The following SORBS2 variants were observed in gnomAD, a reference collection of about 807,000 sequenced individuals.
SORBS2 encodes the protein sorbin and SH3 domain containing 2.
SORBS2 carries 46 observed loss-of-function variants against 97.7 expected under a neutral mutation model. The ratio of observed to expected loss-of-function variants is 0.47; its 90% CI spans 0.37 to 0.60. SORBS2 has a LOEUF of 0.60. Among genes scored for constraint, SORBS2 ranks in the 20% least tolerant of loss-of-function variants. The pLI, the probability that SORBS2 is intolerant of heterozygous loss-of-function variation, is 0.00. For missense variants in SORBS2, 1,316 were observed against 1,282.3 expected (o/e 1.03, Z -0.40); for synonymous variants, 476 against 473.4 (o/e 1.01, Z -0.07).
intron 2 of SORBS2, among the ~76,000 whole-genome samples, chr4:185,700,062 A>T (rs1165009862): frequency 1.3e-5 from 2 of 152,230 alleles, no homozygotes; most frequent in Non-Finnish European, 2.9e-5. Flanking sequence ...ACGAGAGGGG[A>T]ATAGGTAATA....
chr4:185,883,708 C>T (rs554830902), intron 1 of SORBS2, among the ~76,000 whole-genome samples: 18 of 152,128 alleles, frequency 1.2e-4, no homozygotes, highest in East Asian at 7.7e-4. Flanking sequence ...TTAAATTATC[C>T]GGGTGTGGTG....
Position 185,686,248 on chromosome 4 carries a change from T to C in SORBS2, c.-197-7426A>G, listed in dbSNP as rs540622309. 2.0e-5 allele frequency among the ~76,000 whole-genome samples: 3 copies of C among 152,290 alleles called. No individual in the cohort carries two copies. The East Asian group carries it at 5.8e-4, about 29-fold the overall frequency. On this transcript the variant is annotated intron_variant, in intron 2 of 20. Transcript: ENST00000284776. Reference sequence around the variant, plus strand: ...TTTGTTTATTGGACATGACAGAATTTAGATTGGTAAAGATGCTCGGAAGTA... The same window carrying C: ...TTTGTTTATTGGACATGACAGAATTCAGATTGGTAAAGATGCTCGGAAGTA...
At chr4:185,636,461 T>C (rs1436087975) in intron 4 of SORBS2, among the ~76,000 whole-genome samples, 5 of 152,202 alleles carry the variant, frequency 3.3e-5, no homozygotes, top group African/African-American at 9.7e-5. Context: ...TATGCAAGTA[T>C]ATAAATCAGC....
At chr4:185,732,994 A>G (rs1466006388) in intron 2 of SORBS2, among the ~76,000 whole-genome samples, 1 of 152,170 alleles carries the variant, frequency 6.6e-6, no homozygotes, top group Non-Finnish European at 1.5e-5. Flanking sequence ...CAGAAGTGGG[A>G]AGAAGTGAGG....
At chr4:185,695,695 A>C (rs1271023412) in intron 2 of SORBS2, among the ~76,000 whole-genome samples, 1 of 152,220 alleles carries the variant, frequency 6.6e-6, no homozygotes, top group Non-Finnish European at 1.5e-5. Context: ...GACTGTGGTA[A>C]AATAAGAAGT....
chr4:185,884,037 G>A (rs1295049737), intron 1 of SORBS2, among the ~76,000 whole-genome samples: 1 of 152,148 alleles, frequency 6.6e-6, no homozygotes, highest in East Asian at 1.9e-4. Flanking sequence ...AGGAGGTGGG[G>A]GAGGAAGAAG....
intron 1 of SORBS2, among the ~76,000 whole-genome samples, chr4:185,897,763 G>T (rs908347093): frequency 1.3e-5 from 2 of 152,190 alleles, no homozygotes; most frequent in African/African-American, 4.8e-5. Flanking sequence ...TAGGCTGGGT[G>T]CAGTGGCTCA....
intron 1 of SORBS2, among the ~76,000 whole-genome samples, chr4:185,931,988 C>G (rs1235417339): frequency 1.3e-5 from 2 of 151,700 alleles, no homozygotes; most frequent in African/African-American, 4.8e-5. Context: ...GTCTCTCTCT[C>G]TCTCTCTCTC....
chr4:185,750,665 A>G (rs546993924), intron 2 of SORBS2, among the ~76,000 whole-genome samples: 3 of 152,342 alleles, frequency 2.0e-5, no homozygotes, highest in Non-Finnish European at 4.4e-5. Flanking sequence ...ATTCTAAAAT[A>G]ACAAACAAAC....
Position 185,665,885 on chromosome 4 carries a change from G to A in SORBS2, c.-45-3643C>T, listed in dbSNP as rs1460811999. 11 of 1,187,156 alleles carry A rather than the reference G, an allele frequency of 9.3e-6. No homozygotes were observed. In the East Asian group the frequency reaches 5.3e-4, roughly 57 times the overall value. The allele number at this position is 1,187,156 out of a possible 1,614,324, so 73.5% of individuals were successfully genotyped here. A position where few individuals can be genotyped will look rare whatever the true frequency, so the allele number is the denominator to read the frequency against. On this transcript the variant is annotated intron_variant, in intron 4 of 20. Transcript: ENST00000284776. ...GCTGTGGAGGACTCACTCTCCGAGCGGGAGGAGTGCTCGGCCAGGGAGGAG... is the reference window on the plus strand; with the variant it reads ...GCTGTGGAGGACTCACTCTCCGAGCAGGAGGAGTGCTCGGCCAGGGAGGAG...
intron 1 of SORBS2, among the ~76,000 whole-genome samples, chr4:185,783,694 G>C (rs1409649796): frequency 3.3e-5 from 5 of 152,170 alleles, no homozygotes; most frequent in African/African-American, 1.2e-4. Context: ...AGGCATGAGA[G>C]GGAATATCCT....
intron 7 of SORBS2, among the ~76,000 whole-genome samples, chr4:185,621,510 A>T (rs1199212615): frequency 6.6e-6 from 1 of 152,220 alleles, no homozygotes; most frequent in Non-Finnish European, 1.5e-5. Context: ...CTAATTTATT[A>T]AAAAATGAGA....
At chr4:185,744,019 C>G (rs572515816) in intron 2 of SORBS2, among the ~76,000 whole-genome samples, 45 of 141,366 alleles carry the variant, frequency 3.2e-4, no homozygotes, top group African/African-American at 1.2e-3. Flanking sequence ...TCCCCTTTCC[C>G]TCCTCTCCCA....
intron 1 of SORBS2, among the ~76,000 whole-genome samples, chr4:185,860,164 G>A (rs1021913371): frequency 6.6e-6 from 1 of 152,150 alleles, no homozygotes; most frequent in Non-Finnish European, 1.5e-5. Flanking sequence ...AGAAGAGCAA[G>A]AGAAAGAAAA....
At position 185,781,530 on chromosome 4, in the gene SORBS2, C is replaced by T. The variant is rs183265668; in HGVS notation, c.-337-6164G>A. 6.6e-4 allele frequency among the ~76,000 whole-genome samples: 96 copies of T among 144,756 alleles called. 1 individual carries two copies. The highest frequency in any genetic ancestry group is 1.3e-3 in the Non-Finnish European group (85 of 63,412). The allele number at this position is 144,756 out of a possible 152,430, so 95.0% of individuals were successfully genotyped here. A position where few individuals can be genotyped will look rare whatever the true frequency, so the allele number is the denominator to read the frequency against. Reference sequence around the variant, plus strand: ...TCCCTTCCATTGCCTCCCGCCTCTCCAGCCTCCCTTCCATTGCCTCCAGCC... The same window carrying T: ...TCCCTTCCATTGCCTCCCGCCTCTCTAGCCTCCCTTCCATTGCCTCCAGCC... On this transcript the variant is annotated intron_variant, in intron 1 of 20. Coordinates refer to the SORBS2 transcript ENST00000284776.
At chr4:185,856,433 G>C (rs2099220580) in intron 1 of SORBS2, among the ~76,000 whole-genome samples, 1 of 152,094 alleles carries the variant, frequency 6.6e-6, no homozygotes, top group African/African-American at 2.4e-5. Context: ...ACACACAATA[G>C]AAGTCACTTC....
chr4:185,873,929 TCTAA>T (rs1266280754), intron 1 of SORBS2, among the ~76,000 whole-genome samples: 3 of 152,080 alleles, frequency 2.0e-5, no homozygotes, highest in Non-Finnish European at 4.4e-5. Context: ...AATATAAACG[TCTAA>T]CTTTTTGCTT....
At chr4:185,747,498 C>T (rs187635759) in intron 2 of SORBS2, among the ~76,000 whole-genome samples, 28 of 152,306 alleles carry the variant, frequency 1.8e-4, no homozygotes, top group African/African-American at 5.1e-4. Context: ...CTCAGGGGTA[C>T]CTGGCCCCTC....
intron 2 of SORBS2, among the ~76,000 whole-genome samples, chr4:185,752,212 A>C (rs895200693): frequency 6.6e-6 from 1 of 152,238 alleles, no homozygotes; most frequent in Non-Finnish European, 1.5e-5. Flanking sequence ...AAATGTAAGC[A>C]ACATTTATTA....
Sources: gnomAD v4.1 joint callset for allele counts (sites outside exome capture counted in the v4.1 genomes callset) on GRCh38, gnomAD v4.1.1 for gene constraint, MANE v1.5 for transcripts, NCBI Gene and HGNC (gene_info 2026-07-23, HGNC 2026-07-21) for gene names.